Variants in ZNF709 observed in about 807,000 individuals in gnomAD.
The protein encoded by ZNF709 is zinc finger protein 709.
In ZNF709, 15 loss-of-function variants were observed where a neutral mutation model predicts 10.6. That is an observed-to-expected ratio of 1.41 (90% CI 0.95 to 2.18). ZNF709 has a LOEUF of 2.18. ZNF709 is among the 30% of genes most tolerant of loss of function. The probability of loss-of-function intolerance (pLI) is 0.00; values close to 1 mark genes in which losing one functional copy is unlikely to be tolerated. For synonymous variants in ZNF709, 194 were observed against 238.8 expected (o/e 0.81, Z 1.73); for missense variants, 589 against 774.0 (o/e 0.76, Z 2.84).
chr19:12,468,427 G>A (rs1970603456), intron 1 of ZNF709, among the ~76,000 whole-genome samples: 1 of 151,860 alleles, frequency 6.6e-6, no homozygotes, highest in Admixed American at 6.6e-5. Context: ...CATGTGCTGT[G>A]TCCACTCAGG....
At chr19:12,484,601 G>T in intron 1 of ZNF709, 54 bp downstream of exon 1, 2 of 1,607,068 alleles carry the variant, frequency 1.2e-6, no homozygotes, top group Non-Finnish European at 1.7e-6. Context: ...AGATCCGGCC[G>T]GTTTCAACCC....
Position 12,465,178 on chromosome 19 carries a change from T to C in ZNF709, c.744A>G (p.Gly248=). ...ATTGTTTACATTCATAGGGTTTCTCTCCAGAGTGAGTTCTTTCATGATTTC... is the reference window on the plus strand; with the variant it reads ...ATTGTTTACATTCATAGGGTTTCTCCCCAGAGTGAGTTCTTTCATGATTTC... ...SFRNHERTHS[G]EKPYECKQCG... Residue 248 remains glycine (G), a synonymous_variant, in exon 4 of 4, where the codon GGA becomes GGG. Coordinates refer to ENST00000397732, the MANE Select transcript of ZNF709 (RefSeq NM_152601.4). The C allele has an allele frequency of 6.2e-7, 1 of 1,613,954 alleles. No individual in the cohort carries two copies. Among genetic ancestry groups the C allele is most frequent in the Non-Finnish European group, 8.5e-7 (1 of 1,179,962 alleles).
chr19:12,470,342 T>C (rs1970624552), intron 1 of ZNF709, among the ~76,000 whole-genome samples: 1 of 152,186 alleles, frequency 6.6e-6, no homozygotes, highest in African/African-American at 2.4e-5. Flanking sequence ...ACACCTTTCT[T>C]GTTGTTGGGT....
chr19:12,465,117 T>C lies in ZNF709; in HGVS notation c.805A>G (p.Ile269Val), dbSNP rs754932447. ...KAFRYYQTFQ[I>V]HERTHTGEKP... Reference sequence around the variant, plus strand: ...TCCCCAGTGTGAGTCCTTTCATGTATTTGAAAAGTTTGGTAATATCTGAAA... The same window carrying C: ...TCCCCAGTGTGAGTCCTTTCATGTACTTGAAAAGTTTGGTAATATCTGAAA... Residue 269 changes from isoleucine (I) to valine (V), a missense_variant, in exon 4 of 4, where the codon ATA becomes GTA. Physicochemically the swap from Ile to Val is conservative, Grantham distance 29. Coordinates refer to ENST00000397732, the MANE Select transcript of ZNF709 (RefSeq NM_152601.4). 2.2e-5 allele frequency: 35 copies of C among 1,612,096 alleles called. No individual in the cohort carries two copies. Among genetic ancestry groups the C allele is most frequent in the Non-Finnish European group, 2.8e-5 (33 of 1,179,398 alleles).
In ZNF709 at chr19:12,466,808, C is replaced by T; in HGVS notation, c.46G>A (p.Glu16Lys). The change falls in exon 2 of 4, where the codon GAG becomes AAG. Residue 16 changes from glutamate to lysine, a missense_variant. Glu to Lys is a moderately conservative substitution (Grantham distance 56). This residue lies in a region of ZNF709 where 418 missense variants were observed against 496.3 expected (regional missense o/e 0.84). Transcript: ENST00000397732. ...GAGGGACCCAGCAAAGCCCACTCCT[C>T]CTGGGTGAAGTTCACAGCCACATCC... ...FEDVAVNFTQ[E>K]EWALLGPSQK... is the part of the protein sequence containing the mutation. 1 of 1,614,062 alleles carries T rather than the reference C, an allele frequency of 6.2e-7. No homozygotes were observed. The highest frequency in any genetic ancestry group is 8.5e-7 in the Non-Finnish European group (1 of 1,179,972).
chr19:12,484,739 C>G lies in ZNF709; in HGVS notation c.-82G>C, dbSNP rs1970764434. 3 of 1,594,252 alleles carry G rather than the reference C, an allele frequency of 1.9e-6. No individual in the cohort carries two copies. The highest frequency in any genetic ancestry group is 2.7e-5 in the African/African-American group (2 of 74,654). Reference sequence around the variant, plus strand: ...GTCCTACCTCCACCTGAGGCCCTTCCTCCACCTGAGGGCCTTCTGGGGTGA... The same window carrying G: ...GTCCTACCTCCACCTGAGGCCCTTCGTCCACCTGAGGGCCTTCTGGGGTGA... On this transcript the variant is annotated 5_prime_UTR_variant, in exon 1 of 4. Transcript: ENST00000397732.
chr19:12,469,877 TTCCC>T (rs1475864393), intron 1 of ZNF709, among the ~76,000 whole-genome samples: 1 of 152,166 alleles, frequency 6.6e-6, no homozygotes, highest in Admixed American at 6.5e-5. Context: ...GAACAGCTCT[TTCCC>T]TCAGAAACCT....
At position 12,467,758 on chromosome 19, in the gene ZNF709, G is replaced by A. The variant is rs1006325632; in HGVS notation, c.4-908C>T. Among the ~76,000 whole-genome samples, 172 of 148,328 alleles carry A rather than the reference G, an allele frequency of 1.2e-3. 1 individual carries two copies. The highest frequency in any genetic ancestry group is 4.0e-3 in the African/African-American group (161 of 39,928). ...GGGAGCGCCTCTGCCCCGCCGCCCC[G>A]TCTGGGATGTGAGGAGTGCCTCTGC... On this transcript the variant is annotated intron_variant, in intron 1 of 3. Coordinates refer to ENST00000397732, the MANE Select transcript of ZNF709 (RefSeq NM_152601.4).
rs530059397 is a variant in ZNF709, at chr19:12,484,737, T to C, written c.-80A>G. The C allele has an allele frequency of 1.3e-6, 2 of 1,594,106 alleles. No homozygotes were observed. The highest frequency in any genetic ancestry group is 2.7e-5 in the African/African-American group (2 of 74,488). On this transcript the variant is annotated 5_prime_UTR_variant, in exon 1 of 4. Coordinates refer to ENST00000397732, the MANE Select transcript of ZNF709 (RefSeq NM_152601.4). ...AGGTCCTACCTCCACCTGAGGCCCT[T>C]CCTCCACCTGAGGGCCTTCTGGGGT...
chr19:12,472,521 CA>C (rs34678727), intron 1 of ZNF709, among the ~76,000 whole-genome samples: 29 of 84,662 alleles, frequency 3.4e-4, no homozygotes, highest in East Asian at 1.9e-3. Context: ...GACTCCATCT[CA>C]AAAAAAAAAA....
At position 12,482,156 on chromosome 19, in the gene ZNF709, A is replaced by ACACACACACAC. The variant is rs1555694485; in HGVS notation, c.3+2498_3+2499insGTGTGTGTGTG. 7.2e-4 allele frequency among the ~76,000 whole-genome samples: 92 copies of ACACACACACAC among 128,446 alleles called. 4 individuals are homozygous for ACACACACACAC. Among genetic ancestry groups the ACACACACACAC allele is most frequent in the African/African-American group, 1.0e-3 (36 of 34,940 alleles). 84.3% of individuals were successfully genotyped at this position (128,446 alleles called of 152,430 possible). On this transcript the variant is annotated intron_variant, in intron 1 of 3. Transcript: ENST00000397732. ...TCTAAAATACACACACACACACACA[A>ACACACACACAC]ACACACACACACACACACACACACA...
At chr19:12,473,053 G>T (rs1466635009) in intron 1 of ZNF709, among the ~76,000 whole-genome samples, 1 of 152,142 alleles carries the variant, frequency 6.6e-6, no homozygotes, top group Non-Finnish European at 1.5e-5. Context: ...ATGGAAGAAA[G>T]ATCAACTGAT....
intron 1 of ZNF709, among the ~76,000 whole-genome samples, chr19:12,471,947 CAAGA>C (rs1970637566): frequency 2.0e-5 from 3 of 151,664 alleles, no homozygotes; most frequent in African/African-American, 7.3e-5. Context: ...ATACTAAAAT[CAAGA>C]AAGTTAAAAG....
At chr19:12,468,880 G>A (rs142399951) in intron 1 of ZNF709, among the ~76,000 whole-genome samples, 5 of 151,234 alleles carry the variant, frequency 3.3e-5, no homozygotes, top group South Asian at 2.1e-4. Flanking sequence ...TTGCTCTGAC[G>A]CCCAGGCTAG....
At chr19:12,467,791 C>T (rs559604684) in intron 1 of ZNF709, among the ~76,000 whole-genome samples, 2,008 of 150,862 alleles carry the variant, frequency 0.013, 36 homozygotes, top group African/African-American at 0.046. Context: ...TGCCCGGCCG[C>T]GACCCCGTCT....
At chr19:12,482,156 AACACACACAC>A (rs34621481) in intron 1 of ZNF709, among the ~76,000 whole-genome samples, 3 of 128,450 alleles carry the variant, frequency 2.3e-5, no homozygotes, top group African/African-American at 8.6e-5. Flanking sequence ...CACACACACA[AACACACACAC>A]ACACACACAC....
In ZNF709 at chr19:12,465,261, C is replaced by G. The variant is rs778510510; in HGVS notation, c.661G>C (p.Glu221Gln). 3.1e-6 allele frequency: 5 copies of G among 1,612,998 alleles called. No homozygotes were observed. The South Asian group carries it at 5.5e-5, about 18-fold the overall frequency. Residue 221 changes from glutamate to glutamine, a missense_variant, in exon 4 of 4, where the codon GAG (glutamate) becomes CAG (glutamine). Physicochemically the swap from Glu to Gln is conservative, Grantham distance 29. This residue lies in a region of ZNF709 where 418 missense variants were observed against 496.3 expected (regional missense o/e 0.84). Coordinates refer to ENST00000397732, the MANE Select transcript of ZNF709 (RefSeq NM_152601.4). ...CATTCTTTACATTTATAGGGTTTCT[C>G]CCCTGTGTGCATTCTCATGTGTCCT... ...FRGHMRMHTGEKPYKCKECGK... is the reference protein window; with the variant it reads ...FRGHMRMHTGQKPYKCKECGK...
intron 1 of ZNF709, among the ~76,000 whole-genome samples, chr19:12,468,301 GT>G (rs1482807832): frequency 2.6e-5 from 4 of 152,216 alleles, no homozygotes; most frequent in Non-Finnish European, 4.4e-5. Context: ...TGCTGTGTCT[GT>G]GTAGAAAGAA....
chr19:12,465,481 T>C lies in ZNF709; in HGVS notation c.441A>G (p.Lys147=). Residue 147 remains lysine, a synonymous_variant, in exon 4 of 4, where the codon AAA becomes AAG. Transcript: ENST00000397732. ...GAAATGAACTTCGAAAGCTGAATCTTTTCCCACATTCCTTACATTCATATG... is the reference window on the plus strand; with the variant it reads ...GAAATGAACTTCGAAAGCTGAATCTCTTCCCACATTCCTTACATTCATATG... ...EKSYECKECG[K]RFSFRSSFRI... 1.9e-6 allele frequency: 3 copies of C among 1,609,966 alleles called. No homozygotes were observed. The highest frequency in any genetic ancestry group is 1.7e-6 in the Non-Finnish European group (2 of 1,178,510).
Sources: allele counts gnomAD v4.1 joint callset (sites outside exome capture counted in the v4.1 genomes callset), GRCh38; gene constraint gnomAD v4.1.1; regional missense constraint gnomAD v4.1.1; transcripts MANE v1.5; gene names NCBI Gene and HGNC (gene_info 2026-07-23, HGNC 2026-07-21).